The following INPP4A variants were observed in gnomAD, a reference collection of about 807,000 sequenced individuals.
The protein encoded by INPP4A is inositol polyphosphate-4-phosphatase type I A, also known as inositol polyphosphate-4-phosphatase, type I, 107kD.
A neutral mutation model predicts 119.8 loss-of-function variants in INPP4A; 33 were observed. The observed-to-expected ratio is 0.28, with a 90% CI of 0.21 to 0.37. The LOEUF is 0.37. INPP4A is among the 10% of genes least tolerant of loss of function. INPP4A has a pLI of 1.00. For missense variants in INPP4A, 956 were observed against 1,289.9 expected (o/e 0.74, Z 3.97); for synonymous variants, 496 against 500.7 (o/e 0.99, Z 0.12).
chr2:98,470,463 G>A (rs980175203), intron 1 of INPP4A, among the ~76,000 whole-genome samples: 1 of 152,192 alleles, frequency 6.6e-6, no homozygotes, highest in Non-Finnish European at 1.5e-5. Flanking sequence ...GGCATGGCCC[G>A]CTGGGCTTCG....
intron 1 of INPP4A, among the ~76,000 whole-genome samples, chr2:98,448,054 A>G (rs1036428018): frequency 1.3e-5 from 2 of 150,516 alleles, no homozygotes; most frequent in African/African-American, 4.9e-5. Flanking sequence ...CTCAAAAAAA[A>G]AAAAAAAAAA....
chr2:98,566,582 G>T lies in INPP4A; in HGVS notation c.2420+413G>T, dbSNP rs568252287. ...GTCAGATTAAGAAGACTGAAGAAAG[G>T]CCTGGCGAGGAGAAACAGCATGGAG... On this transcript the variant is annotated intron_variant, in intron 21 of 24. Coordinates refer to ENST00000409851, the MANE Select transcript of INPP4A (RefSeq NM_001134225.2). This position sits in a 1 kb window ranked among gnomAD's most constrained non-coding sequence, Gnocchi z 4.2. 6.6e-6 allele frequency among the ~76,000 whole-genome samples: 1 copy of T among 152,268 alleles called. No homozygotes were observed. Among genetic ancestry groups the T allele is most frequent in the South Asian group, 2.1e-4 (1 of 4,820 alleles).
At chr2:98,490,100 G>T (rs2105213203) in intron 1 of INPP4A, among the ~76,000 whole-genome samples, 1 of 151,956 alleles carries the variant, frequency 6.6e-6, no homozygotes, top group East Asian at 2.0e-4. Context: ...GTGCCTCTCA[G>T]TCTTGTAGAT....
At chr2:98,528,068 G>C (rs183565117) in intron 4 of INPP4A, among the ~76,000 whole-genome samples, 1 of 152,290 alleles carries the variant, frequency 6.6e-6, no homozygotes, top group East Asian at 1.9e-4. Flanking sequence ...AGGCACAAAT[G>C]TTTAACTTAG....
chr2:98,460,527 C>T (rs986572075), intron 1 of INPP4A, among the ~76,000 whole-genome samples: 1 of 152,148 alleles, frequency 6.6e-6, no homozygotes, highest in African/African-American at 2.4e-5. Context: ...TTGTTTGTGT[C>T]ATTACTTTAA....
intron 1 of INPP4A, among the ~76,000 whole-genome samples, chr2:98,490,019 C>T (rs756854207): frequency 5.9e-5 from 9 of 151,812 alleles, no homozygotes; most frequent in Admixed American, 2.0e-4. Context: ...CTCCTTGTAA[C>T]CTCTTAAGGT....
At chr2:98,468,046 G>A (rs1675160449) in intron 1 of INPP4A, among the ~76,000 whole-genome samples, 1 of 152,230 alleles carries the variant, frequency 6.6e-6, no homozygotes, top group South Asian at 2.1e-4. Flanking sequence ...CCACAACTAA[G>A]TTTTACAATT....
At chr2:98,581,935 C>A in intron 24 of INPP4A, 1 of 1,030,972 alleles carries the variant, frequency 9.7e-7, no homozygotes, top group Non-Finnish European at 1.3e-6. Flanking sequence ...CAAATTATTT[C>A]ACCAAGAAGA....
intron 1 of INPP4A, among the ~76,000 whole-genome samples, chr2:98,503,729 A>T (rs1683552586): frequency 6.6e-6 from 1 of 152,216 alleles, no homozygotes; most frequent in African/African-American, 2.4e-5. Flanking sequence ...GGACACTCTC[A>T]TCAGAAGGCA....
intron 1 of INPP4A, among the ~76,000 whole-genome samples, chr2:98,463,970 A>C (rs568264955): frequency 3.3e-5 from 5 of 152,322 alleles, no homozygotes; most frequent in African/African-American, 1.2e-4. Context: ...CACCCAGTGA[A>C]CCTGGCGCTG....
chr2:98,499,856 G>C (rs1034741758), intron 1 of INPP4A, among the ~76,000 whole-genome samples: 1 of 152,116 alleles, frequency 6.6e-6, no homozygotes. Flanking sequence ...CTAGATTGAC[G>C]GCCTTCAGTG....
chr2:98,575,107 C>T (rs543382734), intron 23 of INPP4A, among the ~76,000 whole-genome samples: 221 of 152,322 alleles, frequency 1.5e-3, no homozygotes, highest in Non-Finnish European at 2.4e-3. Context: ...CCTTTTCAGG[C>T]TCTTATTTCT....
At chr2:98,475,152 C>T (rs1558905341) in intron 1 of INPP4A, among the ~76,000 whole-genome samples, 1 of 152,030 alleles carries the variant, frequency 6.6e-6, no homozygotes. Context: ...GAGGGGCACT[C>T]TTAAGTGGAG....
At chr2:98,586,955 C>G (rs1386393596) in intron 24 of INPP4A, among the ~76,000 whole-genome samples, 1 of 152,242 alleles carries the variant, frequency 6.6e-6, no homozygotes, top group Non-Finnish European at 1.5e-5. Flanking sequence ...GACAGCAGAC[C>G]AGAACGCCTT....
rs144737882 is a variant in INPP4A, at chr2:98,454,695, T to A, written c.-166+9610T>A. Among the ~76,000 whole-genome samples the A allele has an allele frequency of 3.7e-3, 518 of 141,284 alleles. 8 individuals carry two copies. The highest frequency in any genetic ancestry group is 0.013 in the African/African-American group (477 of 37,540). 92.7% of individuals were successfully genotyped at this position (141,284 alleles called of 152,430 possible). The stretch of plus-strand genomic sequence containing the variant: ...CTCAGGGTACCTTCCAGGGGAAATA[T>A]CACAGAAGAGGGAGGTGCTGAGAGG... On this transcript the variant is annotated intron_variant, in intron 1 of 24. Coordinates refer to ENST00000409851, the MANE Select transcript of INPP4A (RefSeq NM_001134225.2).
chr2:98,531,807 A>G (rs1689284722), intron 4 of INPP4A, among the ~76,000 whole-genome samples: 1 of 152,266 alleles, frequency 6.6e-6, no homozygotes, highest in Middle Eastern at 3.2e-3. Context: ...CACTTACAGT[A>G]TAAACAGTGC....
chr2:98,577,853 T>C (rs1242506829), intron 24 of INPP4A, among the ~76,000 whole-genome samples: 1 of 152,180 alleles, frequency 6.6e-6, no homozygotes, highest in African/African-American at 2.4e-5. Flanking sequence ...AGAAACCTGG[T>C]TTCCCGTCTC....
intron 1 of INPP4A, among the ~76,000 whole-genome samples, chr2:98,510,232 A>AGAG (rs1684872092): frequency 6.6e-6 from 1 of 152,138 alleles, no homozygotes; most frequent in Admixed American, 6.5e-5. Flanking sequence ...GTGGGATGTG[A>AGAG]GAGGAGGAGG....
intron 24 of INPP4A, among the ~76,000 whole-genome samples, chr2:98,583,153 A>G (rs796238074): frequency 2.6e-5 from 4 of 152,386 alleles, no homozygotes; most frequent in African/African-American, 9.6e-5. Flanking sequence ...TGGTTCAAGG[A>G]ATTAATGCAT....
Sources: allele counts gnomAD v4.1 joint callset (sites outside exome capture counted in the v4.1 genomes callset), GRCh38; gene constraint gnomAD v4.1.1; non-coding constraint Gnocchi (gnomAD v3.1); transcripts MANE v1.5; gene names NCBI Gene and HGNC (gene_info 2026-07-23, HGNC 2026-07-21).